Variants in ELOVL5 observed in about 807,000 individuals in gnomAD.
ELOVL5 encodes very long chain fatty acid elongase 5.
In ELOVL5, 8 loss-of-function variants were observed where a neutral mutation model predicts 38.6. That is an observed-to-expected ratio of 0.21 (90% CI 0.12 to 0.37). The LOEUF (loss-of-function observed/expected upper bound fraction) is 0.37. Among genes scored for constraint, ELOVL5 ranks in the 10% least tolerant of loss-of-function variants. ELOVL5 has a pLI of 1.00. For missense variants in ELOVL5, 280 were observed against 367.8 expected (o/e 0.76, Z 1.95); for synonymous variants, 127 against 133.7 (o/e 0.95, Z 0.34).
At chr6:53,290,862 C>T (rs1268032053) in intron 3 of ELOVL5, among the ~76,000 whole-genome samples, 2 of 152,258 alleles carry the variant, frequency 1.3e-5, no homozygotes, top group East Asian at 1.9e-4. Context: ...CTTCCTCCCA[C>T]CTCTACCTTC....
At chr6:53,284,719 A>G (rs1192556872) in intron 3 of ELOVL5, among the ~76,000 whole-genome samples, 2 of 152,198 alleles carry the variant, frequency 1.3e-5, no homozygotes, top group Non-Finnish European at 2.9e-5. Context: ...TTACAACAGC[A>G]CGTGTTCACT....
intron 2 of ELOVL5, among the ~76,000 whole-genome samples, chr6:53,292,979 G>A (rs1766832444): frequency 6.6e-6 from 1 of 152,140 alleles, no homozygotes; most frequent in African/African-American, 2.4e-5. Flanking sequence ...TAGGCAGGGA[G>A]GAGGGAGAGG....
chr6:53,348,118 G>A (rs899220036), intron 1 of ELOVL5, among the ~76,000 whole-genome samples: 2 of 149,622 alleles, frequency 1.3e-5, no homozygotes, highest in Non-Finnish European at 3.0e-5. Context: ...CCGAGTCCCC[G>A]CCCTCTCGCT....
At chr6:53,322,966 A>G (rs1236008047) in intron 1 of ELOVL5, among the ~76,000 whole-genome samples, 2 of 152,358 alleles carry the variant, frequency 1.3e-5, no homozygotes, top group East Asian at 1.9e-4. Context: ...GATAATAATC[A>G]TAGTAGCTAA....
rs145675309 is a variant in ELOVL5, at chr6:53,298,053, A to C, written c.-8-2346T>G. Among the ~76,000 whole-genome samples, 5 of 152,306 alleles carry C rather than the reference A, an allele frequency of 3.3e-5. No individual in the cohort carries two copies. The East Asian group carries it at 9.6e-4, about 29-fold the overall frequency. On this transcript the variant is annotated intron_variant, in intron 1 of 7. Coordinates refer to ENST00000304434, the MANE Select transcript of ELOVL5 (RefSeq NM_021814.5). ...GCTAAAAGACAATTTGGCTGTGTCT[A>C]TTTTTTCAACATCTACTGAAAATCA...
chr6:53,291,622 G>A (rs1375776020), intron 3 of ELOVL5, among the ~76,000 whole-genome samples, 154 bp downstream of exon 3: 1 of 152,078 alleles, frequency 6.6e-6, no homozygotes, highest in Non-Finnish European at 1.5e-5. Context: ...TTGAAAAATC[G>A]ATTTTAAAAC....
At chr6:53,324,988 A>G (rs1768474683) in intron 1 of ELOVL5, among the ~76,000 whole-genome samples, 1 of 152,202 alleles carries the variant, frequency 6.6e-6, no homozygotes, top group Non-Finnish European at 1.5e-5. Flanking sequence ...ACCGGAAGCC[A>G]AAGACTTTTT....
intron 1 of ELOVL5, among the ~76,000 whole-genome samples, chr6:53,322,336 C>T (rs1418768880): frequency 6.6e-6 from 1 of 152,088 alleles, no homozygotes; most frequent in South Asian, 2.1e-4. Context: ...ATTATATATA[C>T]AACGTTTCGC....
chr6:53,276,311 C>T, intron 3 of ELOVL5, 55 bp from the exon 4 acceptor site: 1 of 1,155,106 alleles, frequency 8.7e-7, no homozygotes, highest in Admixed American at 1.8e-5. Context: ...GTAAAGTCCT[C>T]ATTGAACTTT....
At chr6:53,275,917 T>C (rs1197437696) in intron 4 of ELOVL5, among the ~76,000 whole-genome samples, 1 of 152,254 alleles carries the variant, frequency 6.6e-6, no homozygotes, top group Non-Finnish European at 1.5e-5. Context: ...ATTGTGTAAA[T>C]ATAACATACT....
chr6:53,336,106 G>A (rs991851965), intron 1 of ELOVL5, among the ~76,000 whole-genome samples: 2 of 152,154 alleles, frequency 1.3e-5, no homozygotes, highest in African/African-American at 2.4e-5. Context: ...AGCCATACCC[G>A]TAGTATAATA....
At chr6:53,320,130 C>G (rs989429157) in intron 1 of ELOVL5, among the ~76,000 whole-genome samples, 1 of 151,944 alleles carries the variant, frequency 6.6e-6, no homozygotes, top group Non-Finnish European at 1.5e-5. Context: ...GCCTGGCCAA[C>G]GTGGCAAAAC....
chr6:53,299,447 C>T (rs976417479), intron 1 of ELOVL5, among the ~76,000 whole-genome samples: 1 of 151,936 alleles, frequency 6.6e-6, no homozygotes, highest in Non-Finnish European at 1.5e-5. Context: ...GTAGTGGCCC[C>T]GGAAAAATAT....
intron 1 of ELOVL5, among the ~76,000 whole-genome samples, chr6:53,310,708 T>C (rs1767795223): frequency 6.6e-6 from 1 of 152,208 alleles, no homozygotes; most frequent in Non-Finnish European, 1.5e-5. Context: ...CCCAAAGTGC[T>C]AGGATTACGG....
At chr6:53,336,116 A>G (rs948342491) in intron 1 of ELOVL5, among the ~76,000 whole-genome samples, 1 of 152,220 alleles carries the variant, frequency 6.6e-6, no homozygotes, top group African/African-American at 2.4e-5. Context: ...GTAGTATAAT[A>G]ATAAACTACC....
intron 1 of ELOVL5, among the ~76,000 whole-genome samples, chr6:53,336,062 C>T (rs1268068883): frequency 4.6e-5 from 7 of 152,146 alleles, no homozygotes. Context: ...TTGGCATGTC[C>T]ATCGCTGCAG....
intron 3 of ELOVL5, among the ~76,000 whole-genome samples, chr6:53,286,491 A>G (rs531324287): frequency 1.3e-5 from 2 of 152,262 alleles, no homozygotes; most frequent in East Asian, 3.9e-4. Context: ...TAAGGCCAGG[A>G]GTTCTAGGCT....
chr6:53,275,805 C>T (rs1766090539), intron 4 of ELOVL5, among the ~76,000 whole-genome samples: 1 of 152,172 alleles, frequency 6.6e-6, no homozygotes, highest in African/African-American at 2.4e-5. Flanking sequence ...TTAAAACAAA[C>T]CTCATGAGTG....
intron 1 of ELOVL5, among the ~76,000 whole-genome samples, chr6:53,304,332 T>C (rs902120970): frequency 1.3e-5 from 2 of 152,186 alleles, no homozygotes; most frequent in African/African-American, 2.4e-5. Flanking sequence ...GGTGCTCTCT[T>C]CTCTTCTACT....
Sources: gnomAD v4.1 joint callset for allele counts (sites outside exome capture counted in the v4.1 genomes callset) on GRCh38, gnomAD v4.1.1 for gene constraint, MANE v1.5 for transcripts, NCBI Gene and HGNC (gene_info 2026-07-23, HGNC 2026-07-21) for gene names.